CNTNAP2: variants seen among roughly 807,000 people sequenced by gnomAD.
CNTNAP2 encodes the protein contactin associated protein 2, also known as contactin-associated protein-like 2.
Under a neutral mutation model 155.2 loss-of-function variants are expected in CNTNAP2, and 98 were observed. That is an observed-to-expected ratio of 0.63 (90% CI 0.54 to 0.75). The LOEUF (loss-of-function observed/expected upper bound fraction) is 0.75. CNTNAP2 is among the 30% of genes least tolerant of loss of function. CNTNAP2 has a pLI of 0.00. For missense variants in CNTNAP2, 1,727 were observed against 1,688.1 expected, an observed-to-expected ratio of 1.02 and a Z score of -0.40; for synonymous variants, 651 against 631.2, an observed-to-expected ratio of 1.03 and a Z score of -0.47.
intron 21 of CNTNAP2, among the ~76,000 whole-genome samples, chr7:148,272,650 AT>A (rs1035043069): frequency 8.5e-5 from 13 of 152,122 alleles, no homozygotes; most frequent in African/African-American, 2.7e-4. Flanking sequence ...GATAAAAAAA[AT>A]ATATACAATC....
chr7:146,249,470 T>C (rs1046714610), intron 1 of CNTNAP2, among the ~76,000 whole-genome samples: 1 of 152,180 alleles, frequency 6.6e-6, no homozygotes, highest in Non-Finnish European at 1.5e-5. Flanking sequence ...TCTCTGTGAG[T>C]GACTGTGTGG....
At chr7:147,083,011 A>G (rs962851074) in intron 4 of CNTNAP2, 1 of 152,094 alleles carries the variant, frequency 6.6e-6, no homozygotes, top group South Asian at 2.1e-4. Context: ...GGCCTTCCCA[A>G]AGGTGTTCTC....
At chr7:148,114,805 C>A (rs1345491352) in intron 15 of CNTNAP2, among the ~76,000 whole-genome samples, 2 of 152,266 alleles carry the variant, frequency 1.3e-5, no homozygotes, top group Admixed American at 1.3e-4. Context: ...TAAAGTATAA[C>A]TAAAATCGAT....
At chr7:148,344,290 T>C (rs1798283532) in intron 21 of CNTNAP2, among the ~76,000 whole-genome samples, 1 of 152,138 alleles carries the variant, frequency 6.6e-6, no homozygotes, top group Admixed American at 6.5e-5. Flanking sequence ...GAGTCAAAAA[T>C]TGATTGCCTG....
At chr7:146,812,586 CAAGG>C (rs1173112271) in intron 2 of CNTNAP2, among the ~76,000 whole-genome samples, 1 of 151,812 alleles carries the variant, frequency 6.6e-6, no homozygotes, top group Non-Finnish European at 1.5e-5. Context: ...GCAAAGCTCT[CAAGG>C]AAGCAGAGCA....
chr7:147,379,924 TC>T (rs1260260541), intron 9 of CNTNAP2, among the ~76,000 whole-genome samples: 1 of 152,060 alleles, frequency 6.6e-6, no homozygotes, highest in East Asian at 1.9e-4. Flanking sequence ...TCTCTTTTTT[TC>T]TTGATACCCA....
chr7:146,976,907 GAAC>G (rs1443734297), intron 3 of CNTNAP2, among the ~76,000 whole-genome samples: 1 of 152,160 alleles, frequency 6.6e-6, no homozygotes, highest in African/African-American at 2.4e-5. Flanking sequence ...GGGGGCCTAT[GAAC>G]AACAATCAGA....
chr7:147,568,079 C>G (rs1463451276), intron 12 of CNTNAP2, among the ~76,000 whole-genome samples: 1 of 152,014 alleles, frequency 6.6e-6, no homozygotes, highest in Non-Finnish European at 1.5e-5. Flanking sequence ...CAGCGAGACT[C>G]CGTCTCAAAA....
At chr7:146,420,653 G>T (rs957419803) in intron 1 of CNTNAP2, among the ~76,000 whole-genome samples, 4 of 152,018 alleles carry the variant, frequency 2.6e-5, no homozygotes, top group African/African-American at 7.2e-5. Flanking sequence ...TTGTAGGTGG[G>T]TGTCTATTTT....
At chr7:146,213,405 T>C (rs1018793572) in intron 1 of CNTNAP2, among the ~76,000 whole-genome samples, 1 of 152,186 alleles carries the variant, frequency 6.6e-6, no homozygotes, top group Non-Finnish European at 1.5e-5. Context: ...GATGAAATTG[T>C]AAAACCTACT....
At chr7:146,367,132 G>A (rs1468431784) in intron 1 of CNTNAP2, among the ~76,000 whole-genome samples, 2 of 152,106 alleles carry the variant, frequency 1.3e-5, no homozygotes, top group East Asian at 3.9e-4. Context: ...TCATCCTTTA[G>A]CCATGGTGAT....
intron 1 of CNTNAP2, among the ~76,000 whole-genome samples, chr7:146,399,699 C>T (rs897675223): frequency 6.6e-6 from 1 of 152,102 alleles, no homozygotes; most frequent in African/African-American, 2.4e-5. Flanking sequence ...AGTGTGATTG[C>T]TGTACCATAT....
rs1797788442 is a variant in CNTNAP2 at position 146,135,776 on chromosome 7, T to C, written c.97+18803T>C. Among the ~76,000 whole-genome samples the C allele has an allele frequency of 2.6e-5, 4 of 152,056 alleles. No individual in the cohort carries two copies. In the South Asian group the frequency reaches 8.3e-4, roughly 31 times the overall value. On this transcript the variant is annotated intron_variant, in intron 1 of 23. Transcript: ENST00000361727. ...TCACTGTATAATAACAAAATACCTA[T>C]GTAATTGATAATATATTAGAAATAT...
intron 20 of CNTNAP2, among the ~76,000 whole-genome samples, chr7:148,244,828 G>T (rs1343492719): frequency 6.6e-6 from 1 of 151,822 alleles, no homozygotes; most frequent in African/African-American, 2.4e-5. Context: ...TTCCCAAAGT[G>T]CAGGGGTTAC....
chr7:146,727,297 C>G (rs986053972), intron 1 of CNTNAP2, among the ~76,000 whole-genome samples: 2 of 152,152 alleles, frequency 1.3e-5, no homozygotes, highest in African/African-American at 4.8e-5. Context: ...AAACAACTGA[C>G]TCACAGAAGC....
chr7:147,581,157 T>C (rs1049270177), intron 12 of CNTNAP2, among the ~76,000 whole-genome samples: 3 of 152,192 alleles, frequency 2.0e-5, no homozygotes, highest in Non-Finnish European at 4.4e-5. Flanking sequence ...GAGTGGAAAC[T>C]AGCTTTGTGT....
chr7:147,636,108 C>T (rs1051805631), intron 12 of CNTNAP2, among the ~76,000 whole-genome samples: 3 of 152,148 alleles, frequency 2.0e-5, no homozygotes, highest in African/African-American at 7.2e-5. Context: ...TATGATGTGG[C>T]TTCTTTGCTT....
chr7:147,930,557 A>G (rs1162576709), intron 14 of CNTNAP2, among the ~76,000 whole-genome samples: 1 of 152,248 alleles, frequency 6.6e-6, no homozygotes, highest in East Asian at 1.9e-4. Flanking sequence ...TGCACCCAGC[A>G]TCAGTACCTC....
chr7:146,259,911 G>C (rs1368353595), intron 1 of CNTNAP2, among the ~76,000 whole-genome samples: 1 of 152,236 alleles, frequency 6.6e-6, no homozygotes, highest in African/African-American at 2.4e-5. Context: ...GGCCACATCA[G>C]AGATCTTGAC....
Sources: allele counts gnomAD v4.1 joint callset (sites outside exome capture counted in the v4.1 genomes callset), GRCh38; gene constraint gnomAD v4.1.1; transcripts MANE v1.5; gene names NCBI Gene and HGNC (gene_info 2026-07-23, HGNC 2026-07-21).